The following C16orf46 variants were observed in gnomAD, a reference collection of about 807,000 sequenced individuals.
C16orf46 encodes chromosome 16 open reading frame 46.
C16orf46 carries 7 observed loss-of-function variants against 5.5 expected under a neutral mutation model. That is an observed-to-expected ratio of 1.28 (90% CI 0.73 to 2.40). The LOEUF (loss-of-function observed/expected upper bound fraction) is 2.40, where lower values mean the gene tolerates loss of function less well. Among genes scored for constraint, C16orf46 ranks in the 30% most tolerant of loss-of-function variants. C16orf46 has a pLI of 0.00. For missense variants in C16orf46, 614 were observed against 476.0 expected, an observed-to-expected ratio of 1.29 and a Z score of -2.70; for synonymous variants, 200 against 184.1, an observed-to-expected ratio of 1.09 and a Z score of -0.70.
chr16:81,075,659 G>A (rs537764553), intron 1 of C16orf46, among the ~76,000 whole-genome samples: 1 of 152,266 alleles, frequency 6.6e-6, no homozygotes, highest in East Asian at 1.9e-4. Flanking sequence ...TATTGAGAAG[G>A]ATCTTATGAC....
chr16:81,076,293 G>A (rs995241637), intron 1 of C16orf46: 1 of 151,264 alleles, frequency 6.6e-6, no homozygotes, highest in African/African-American at 2.4e-5. Flanking sequence ...CACACTGGAA[G>A]GAGCTGAACC....
intron 2 of C16orf46, among the ~76,000 whole-genome samples, 194 bp from the exon 3 acceptor site, chr16:81,064,187 C>T (rs1458846807): frequency 6.6e-6 from 1 of 151,892 alleles, no homozygotes; most frequent in Non-Finnish European, 1.5e-5. Context: ...AGTTTGTGAC[C>T]AGTCTGGCCA....
intron 1 of C16orf46, 33 bp downstream of exon 1, chr16:81,077,103 C>T (rs913467569): frequency 2.6e-5 from 4 of 152,414 alleles, no homozygotes; most frequent in African/African-American, 9.6e-5. Flanking sequence ...CGGGCCTTGC[C>T]CCAGGGGTGG....
Position 81,064,005 on chromosome 16 carries a change from C to A in C16orf46, c.-38-12G>T, listed in dbSNP as rs375358482. 1.6e-5 allele frequency: 22 copies of A among 1,362,782 alleles called. No homozygotes were observed. The African/African-American group carries it at 3.1e-4, about 19-fold the overall frequency. The allele number at this position is 1,362,782 out of a possible 1,614,324, so 84.4% of individuals were successfully genotyped here. ...TTAACATCTTCTTGCTGTTTAAAAA[C>A]ATGAATGGAACTTCGTTTTTAATAT... On this transcript the variant is annotated splice_polypyrimidine_tract_variant and intron_variant, in intron 2 of 3. Transcript: ENST00000299578.
chr16:81,054,493 A>G (rs1971238736), intron 3 of C16orf46, among the ~76,000 whole-genome samples: 1 of 22,006 alleles, frequency 4.5e-5, no homozygotes, highest in Non-Finnish European at 1.4e-4. Context: ...GCTGGTATCA[A>G]TTTTTCTGCA....
downstream of C16orf46, among the ~76,000 whole-genome samples, chr16:81,060,190 C>T (rs2549902): frequency 0.95 from 145,127 of 152,206 alleles, 69,544 homozygotes; most frequent in Middle Eastern, 1. Flanking sequence ...AATCTGAGGA[C>T]ATGGCACCCT....
At chr16:81,072,746 G>C (rs1158282578) in intron 1 of C16orf46, among the ~76,000 whole-genome samples, 1 of 151,916 alleles carries the variant, frequency 6.6e-6, no homozygotes, top group Non-Finnish European at 1.5e-5. Flanking sequence ...CTCTTGCCCA[G>C]GCTGGAGTGC....
Position 81,061,282 on chromosome 16 carries a change from G to T in C16orf46, c.1067C>A (p.Pro356Gln). ...SPVITRKHVL[P>Q]KAKQENRPQM... Reference sequence around the variant, plus strand: ...GGGCCTGTTTTCCTGCTTGGCCTTTGGGAGAACATGCTTTCGGGTGATCAC... The same window carrying T: ...GGGCCTGTTTTCCTGCTTGGCCTTTTGGAGAACATGCTTTCGGGTGATCAC... Residue 356 changes from proline (P) to glutamine (Q), a missense_variant, in exon 4 of 4, where the codon CCA (proline) becomes CAA (glutamine). By Grantham distance (76) the Pro-to-Gln change is moderately conservative (BLOSUM62 -1). Coordinates refer to ENST00000299578, the MANE Select transcript of C16orf46 (RefSeq NM_152337.3). The T allele has an allele frequency of 6.2e-7, 1 of 1,614,122 alleles. No homozygotes were observed. The highest frequency in any genetic ancestry group is 8.5e-7 in the Non-Finnish European group (1 of 1,180,022).
Position 81,061,949 on chromosome 16 carries a change from G to C in C16orf46, c.400C>G (p.Gln134Glu), listed in dbSNP as rs747685632. Reference sequence around the variant, plus strand: ...GTGCTGGGGCCCTGGGGGGCTGCCTGAGTCTGGGAGGGGCTGCTCTGATCC... The same window carrying C: ...GTGCTGGGGCCCTGGGGGGCTGCCTCAGTCTGGGAGGGGCTGCTCTGATCC... ...EKDQSSPSQT[Q>E]AAPQGPSTAS... Residue 134 changes from glutamine (Q) to glutamate (E), a missense_variant, in exon 4 of 4, where the codon CAG becomes GAG. Physicochemically the swap from Gln to Glu is conservative, Grantham distance 29. Transcript: ENST00000299578. 6.2e-7 allele frequency: 1 copy of C among 1,614,188 alleles called. No homozygotes were observed. Among genetic ancestry groups the C allele is most frequent in the South Asian group, 1.1e-5 (1 of 91,090 alleles).
Position 81,061,358 on chromosome 16 carries a change from C to T in C16orf46, c.991G>A (p.Gly331Arg). 6.2e-7 allele frequency: 1 copy of T among 1,614,116 alleles called. No homozygotes were observed. Among genetic ancestry groups the T allele is most frequent in the Non-Finnish European group, 8.5e-7 (1 of 1,180,030 alleles). Residue 331 changes from glycine to arginine, a missense_variant, in exon 4 of 4, where the codon GGA becomes AGA. Transcript: ENST00000299578. ...LAALQLLQKR[G>R]VQSYKSKFKA... ...AATTTGGATTTGTAGCTTTGCACTC[C>T]CCGTTTCTGCAGAAGCTGCAAGGCA...
At chr16:81,068,785 T>A (rs1307876215) in intron 1 of C16orf46, among the ~76,000 whole-genome samples, 1 of 152,074 alleles carries the variant, frequency 6.6e-6, no homozygotes, top group Non-Finnish European at 1.5e-5. Flanking sequence ...CACTGCAACC[T>A]CCGCCTCCTG....
In C16orf46 at chr16:81,061,902, G is replaced by A. The variant is rs766185049; in HGVS notation, c.447C>T (p.Asp149=). The change falls in exon 4 of 4, where the codon GAC becomes GAT. Residue 149 remains aspartate (D), a synonymous_variant. Transcript: ENST00000299578. ...CTCGAAAGTAGGTGGGAAAGCAGAT[G>A]TCGCTAATTGCCCTGGAAGCAGTGC... The part of the protein sequence containing the change: ...GPSTASRAIS[D]ICFPTYFRAE... The A allele has an allele frequency of 2.5e-6, 4 of 1,614,240 alleles. No homozygotes were observed. Among genetic ancestry groups the A allele is most frequent in the Admixed American group, 3.3e-5 (2 of 60,034 alleles).
chr16:81,062,879 C>CTTTTTTTTTTTTTTTTTTTTTTTTT (rs35694573), intron 3 of C16orf46, among the ~76,000 whole-genome samples: 1 of 138,368 alleles, frequency 7.2e-6, no homozygotes, highest in Non-Finnish European at 1.5e-5. Flanking sequence ...TAGTTTTATG[C>CTTTTTTTTTTTTTTTTTTTTTTTTT]TTTTTTTTTT....
rs190346753 is a variant in C16orf46, at chr16:81,074,578, T to G, written c.-128+2558A>C. Among the ~76,000 whole-genome samples, 537 of 152,162 alleles carry G rather than the reference T, an allele frequency of 3.5e-3. 10 individuals carry two copies. Among genetic ancestry groups the G allele is most frequent in the Admixed American group, 0.028 (422 of 15,260 alleles). ...TTTTGTATTTTTAGTAGAGACAGGG[T>G]TTCACCATGTTGGCTAGGATGGTCT... is the stretch of plus-strand genomic sequence containing the variant. On this transcript the variant is annotated intron_variant, in intron 1 of 3. Transcript: ENST00000299578.
downstream of C16orf46, among the ~76,000 whole-genome samples, chr16:81,056,607 A>G (rs950135782): frequency 1.3e-5 from 2 of 150,730 alleles, no homozygotes; most frequent in African/African-American, 4.9e-5. Flanking sequence ...GAGGCAGGAG[A>G]ATCACTTGAA....
At chr16:81,066,506 AT>A (rs975009190) in intron 1 of C16orf46, among the ~76,000 whole-genome samples, 1 of 152,116 alleles carries the variant, frequency 6.6e-6, no homozygotes, top group Non-Finnish European at 1.5e-5. Context: ...CGCCTGGCTA[AT>A]TTTTTTGTAA....
Position 81,061,587 on chromosome 16 carries a change from G to C in C16orf46, c.762C>G (p.Gly254=), listed in dbSNP as rs142706633. ...CACCTTTCCCATCTGCTGTTTTCAA[G>C]CCATATGCATAAGCCACACACCCAT... ...EKDGCVAYAY[G]LKTADGKGEK... Residue 254 remains glycine (G), a synonymous_variant, in exon 4 of 4, where the codon GGC becomes GGG. Coordinates refer to ENST00000299578, the MANE Select transcript of C16orf46 (RefSeq NM_152337.3). The C allele has an allele frequency of 6.2e-7, 1 of 1,614,184 alleles. No homozygotes were observed. Among genetic ancestry groups the C allele is most frequent in the Non-Finnish European group, 8.5e-7 (1 of 1,180,034 alleles).
Position 81,062,091 on chromosome 16 carries a change from C to G in C16orf46, c.258G>C (p.Arg86Ser), listed in dbSNP as rs975584668. The change falls in exon 4 of 4, where the codon AGG (arginine) becomes AGC (serine). Residue 86 changes from arginine to serine, a missense_variant. Transcript: ENST00000299578. Reference sequence around the variant, plus strand: ...CTACCCTCGCCTTTTTTGGTATCTTCCTCGGCCAGATGCAGGCAGCTGGAG... The same window carrying G: ...CTACCCTCGCCTTTTTTGGTATCTTGCTCGGCCAGATGCAGGCAGCTGGAG... ...RTSPAACIWP[R>S]KIPKKARVGE... is the part of the protein sequence containing the mutation. 6.2e-7 allele frequency: 1 copy of G among 1,607,096 alleles called. No homozygotes were observed. The highest frequency in any genetic ancestry group is 8.5e-7 in the Non-Finnish European group (1 of 1,179,432).
At chr16:81,055,314 G>C (rs1386155799) in intron 3 of C16orf46, 1 of 152,098 alleles carries the variant, frequency 6.6e-6, no homozygotes, top group African/African-American at 2.4e-5. Context: ...AAAAATAAAG[G>C]CTTAGTGAAC....
Sources: gnomAD v4.1 joint callset for allele counts (sites outside exome capture counted in the v4.1 genomes callset) on GRCh38, gnomAD v4.1.1 for gene constraint, MANE v1.5 for transcripts, NCBI Gene and HGNC (gene_info 2026-07-23, HGNC 2026-07-21) for gene names.